Variants in ANKRD30B observed in about 807,000 individuals in gnomAD.
The protein encoded by ANKRD30B is ankyrin repeat domain 30B.
ANKRD30B carries 144 observed loss-of-function variants against 202.2 expected under a neutral mutation model. That is an observed-to-expected ratio of 0.71 (90% CI 0.62 to 0.82). The LOEUF (loss-of-function observed/expected upper bound fraction) is 0.82. Among genes scored for constraint, ANKRD30B ranks in the 40% least tolerant of loss-of-function variants. ANKRD30B has a pLI of 0.00. For missense variants in ANKRD30B, 1,487 were observed against 1,669.1 expected, an observed-to-expected ratio of 0.89 and a Z score of 1.90; for synonymous variants, 508 against 561.3, an observed-to-expected ratio of 0.91 and a Z score of 1.34.
In ANKRD30B at chr18:14,754,931, G is replaced by A. The variant is rs767765548; in HGVS notation, c.543G>A (p.Gln181=). The change falls in exon 4 of 44, where the codon CAG becomes CAA. Residue 181 remains glutamine, a synonymous_variant. Transcript: ENST00000690538. ...ASLTPLLLAI[Q]KRSKQTVEFL... Reference sequence around the variant, plus strand: ...TCACACCCCTTTTACTGGCCATACAGAAAAGAAGCAAGCAAACTGTGGAAT... The same window carrying A: ...TCACACCCCTTTTACTGGCCATACAAAAAAGAAGCAAGCAAACTGTGGAAT... 6.4e-7 allele frequency: 1 copy of A among 1,558,428 alleles called. No individual in the cohort carries two copies. Among genetic ancestry groups the A allele is most frequent in the Admixed American group, 1.9e-5 (1 of 51,770 alleles).
intron 37 of ANKRD30B, among the ~76,000 whole-genome samples, chr18:14,842,563 T>G (rs561631794): frequency 6.6e-6 from 1 of 152,360 alleles, no homozygotes; most frequent in Non-Finnish European, 1.5e-5. Flanking sequence ...GACATTTATT[T>G]TTTCTGGGTC....
intron 6 of ANKRD30B, among the ~76,000 whole-genome samples, chr18:14,763,029 T>G (rs1377700218): frequency 6.6e-6 from 1 of 152,172 alleles, no homozygotes; most frequent in African/African-American, 2.4e-5. Context: ...GTACTAAGTA[T>G]CTTCCTTGTT....
At chr18:14,938,782 T>C in the ANKRD30B span, among the ~76,000 whole-genome samples, 1 of 152,248 alleles carries the variant, frequency 6.6e-6, no homozygotes, top group African/African-American at 2.4e-5. Context: ...CCTCCTGTTA[T>C]TAGTCTTGAT....
At chr18:14,917,178 T>C in the ANKRD30B span, among the ~76,000 whole-genome samples, 2 of 152,222 alleles carry the variant, frequency 1.3e-5, no homozygotes, top group African/African-American at 4.8e-5. Context: ...ATTATGCATG[T>C]CATTCTCCGT....
chr18:14,764,707 G>A (rs1361738354), intron 7 of ANKRD30B, among the ~76,000 whole-genome samples: 1 of 152,052 alleles, frequency 6.6e-6, no homozygotes, highest in Non-Finnish European at 1.5e-5. Flanking sequence ...CTTTTGGTTG[G>A]CTAATTAGCA....
the ANKRD30B span, among the ~76,000 whole-genome samples, chr18:14,936,039 G>A: frequency 6.6e-6 from 1 of 152,238 alleles, no homozygotes; most frequent in Non-Finnish European, 1.5e-5. Flanking sequence ...TAAAGCAGCT[G>A]GCAAAGCCTG....
chr18:14,824,442 C>T (rs1167962857), intron 32 of ANKRD30B, among the ~76,000 whole-genome samples: 1 of 152,144 alleles, frequency 6.6e-6, no homozygotes, highest in Non-Finnish European at 1.5e-5. Context: ...CCCCCTCTGC[C>T]TCCTGGACTC....
chr18:14,938,786 T>A, the ANKRD30B span, among the ~76,000 whole-genome samples: 2 of 152,196 alleles, frequency 1.3e-5, no homozygotes, highest in African/African-American at 2.4e-5. Flanking sequence ...CTGTTATTAG[T>A]CTTGATGCGT....
chr18:14,767,142 TAA>T, intron 7 of ANKRD30B, among the ~76,000 whole-genome samples: 1 of 152,056 alleles, frequency 6.6e-6, no homozygotes, highest in African/African-American at 2.4e-5. Flanking sequence ...AACCTAAGAG[TAA>T]AGTGTGAGGA....
the ANKRD30B span, among the ~76,000 whole-genome samples, chr18:14,933,988 G>A: frequency 4.9e-4 from 74 of 152,100 alleles, no homozygotes; most frequent in Admixed American, 1.7e-3. Context: ...GGCCTTGCCC[G>A]CCTCCCGCCT....
chr18:14,901,024 T>C, the ANKRD30B span, among the ~76,000 whole-genome samples: 7 of 152,192 alleles, frequency 4.6e-5, no homozygotes, highest in Non-Finnish European at 1.0e-4. Context: ...GCATTCTTCA[T>C]AAAATGTACA....
At chr18:14,773,901 G>T (rs961392662) in intron 9 of ANKRD30B, among the ~76,000 whole-genome samples, 1 of 152,026 alleles carries the variant, frequency 6.6e-6, no homozygotes, top group Non-Finnish European at 1.5e-5. Flanking sequence ...TGATCCGCCC[G>T]CCTTGGCCTC....
the ANKRD30B span, among the ~76,000 whole-genome samples, chr18:14,870,128 G>A: frequency 1.1e-4 from 16 of 152,294 alleles, no homozygotes; most frequent in Admixed American, 2.6e-4. Context: ...GAGCCACCAC[G>A]CGAAGCCTAT....
the ANKRD30B span, among the ~76,000 whole-genome samples, chr18:14,937,614 G>T: frequency 6.6e-6 from 1 of 151,598 alleles, no homozygotes; most frequent in Non-Finnish European, 1.5e-5. Flanking sequence ...GGTGTTGCCA[G>T]GTTCCTCGAG....
rs1914628256 is a variant in ANKRD30B at position 14,757,880 on chromosome 18, A to C, written c.683A>C (p.Asn228Thr). ...SEIVGMLLQQ[N>T]VDVFAEDIHG... ...ATAGTCGGCATGCTTCTTCAGCAAA[A>C]TGTTGACGTCTTTGCTGAAGACATA... The change falls in exon 5 of 44, where the codon AAT (asparagine) becomes ACT (threonine). Residue 228 changes from asparagine (N) to threonine (T), a missense_variant. Coordinates refer to ENST00000690538, the MANE Select transcript of ANKRD30B (RefSeq NM_001367607.2). 6.2e-7 allele frequency: 1 copy of C among 1,613,572 alleles called. No homozygotes were observed. Among genetic ancestry groups the C allele is most frequent in the East Asian group, 2.2e-5 (1 of 44,860 alleles).
the ANKRD30B span, among the ~76,000 whole-genome samples, chr18:14,869,024 G>A: frequency 6.6e-6 from 1 of 152,220 alleles, no homozygotes; most frequent in Non-Finnish European, 1.5e-5. Flanking sequence ...CACCCTAGTG[G>A]GGGAAAAGGG....
the ANKRD30B span, among the ~76,000 whole-genome samples, chr18:14,862,969 GAA>G: frequency 1.2e-3 from 181 of 152,310 alleles, no homozygotes; most frequent in African/African-American, 4.0e-3. Context: ...TTGGGAATTG[GAA>G]TATTTACCCA....
chr18:14,880,909 A>T, the ANKRD30B span, among the ~76,000 whole-genome samples: 2 of 152,154 alleles, frequency 1.3e-5, no homozygotes, highest in Middle Eastern at 3.4e-3. Context: ...TGTATAGAAG[A>T]GCTACTGATT....
chr18:14,937,189 C>A, the ANKRD30B span, among the ~76,000 whole-genome samples: 3 of 152,194 alleles, frequency 2.0e-5, no homozygotes, highest in Non-Finnish European at 4.4e-5. Context: ...CCTCCTTCAG[C>A]ACTTTGGTCA....
Sources: allele counts gnomAD v4.1 joint callset (sites outside exome capture counted in the v4.1 genomes callset), GRCh38; gene constraint gnomAD v4.1.1; transcripts MANE v1.5; gene names NCBI Gene and HGNC (gene_info 2026-07-23, HGNC 2026-07-21).